The following CFAP299 variants were observed in gnomAD, a reference collection of about 807,000 sequenced individuals.
CFAP299 encodes the protein cilia and flagella associated protein 299.
In CFAP299, 21 loss-of-function variants were observed where a neutral mutation model predicts 27.0. The observed-to-expected ratio is 0.78, with a 90% CI of 0.55 to 1.12. CFAP299 has a LOEUF of 1.12. Ranked by LOEUF, CFAP299 falls within the 50% of genes most tolerant of loss-of-function variation. CFAP299 has a pLI of 0.00. For missense variants in CFAP299, 310 were observed against 276.6 expected (o/e 1.12, Z -0.86); for synonymous variants, 104 against 98.1 (o/e 1.06, Z -0.36).
At chr4:80,709,493 T>G (rs1578045449) in intron 3 of CFAP299, among the ~76,000 whole-genome samples, 1 of 152,308 alleles carries the variant, frequency 6.6e-6, no homozygotes, top group Middle Eastern at 3.4e-3. Flanking sequence ...CGTTTCTTCC[T>G]AAGTTTGAGC....
intron 2 of CFAP299, among the ~76,000 whole-genome samples, chr4:80,372,651 C>A (rs1342064277): frequency 6.6e-6 from 1 of 152,098 alleles, no homozygotes; most frequent in Non-Finnish European, 1.5e-5. Flanking sequence ...TATCTGCCCT[C>A]CTCTGGAGTG....
At chr4:80,959,066 A>C (rs1738206721) in intron 5 of CFAP299, among the ~76,000 whole-genome samples, 1 of 152,168 alleles carries the variant, frequency 6.6e-6, no homozygotes, top group Non-Finnish European at 1.5e-5. Flanking sequence ...ACAGACAAGG[A>C]AATTTAGTTC....
intron 3 of CFAP299, among the ~76,000 whole-genome samples, chr4:80,702,324 T>TA (rs1386907197): frequency 6.6e-6 from 1 of 151,886 alleles, no homozygotes; most frequent in Non-Finnish European, 1.5e-5. Flanking sequence ...TTGCCTCTGT[T>TA]AAAAAGACAT....
chr4:80,423,649 G>A (rs1202771995), intron 2 of CFAP299, among the ~76,000 whole-genome samples: 1 of 152,186 alleles, frequency 6.6e-6, no homozygotes, highest in Non-Finnish European at 1.5e-5. Flanking sequence ...GGTTGTCTCA[G>A]CTGGCGGCTG....
At chr4:80,540,034 CTG>C (rs1457304636) in intron 2 of CFAP299, among the ~76,000 whole-genome samples, 1 of 68,078 alleles carries the variant, frequency 1.5e-5, no homozygotes, top group East Asian at 4.9e-4. Context: ...AAAAGCTGCG[CTG>C]TCTTAGTCAA....
chr4:80,836,406 C>G (rs927168804), intron 3 of CFAP299, among the ~76,000 whole-genome samples: 1 of 152,198 alleles, frequency 6.6e-6, no homozygotes, highest in African/African-American at 2.4e-5. Flanking sequence ...AGCTGAATTC[C>G]TTTCTACAGG....
At chr4:80,943,013 C>T (rs980226629) in intron 4 of CFAP299, among the ~76,000 whole-genome samples, 1 of 152,210 alleles carries the variant, frequency 6.6e-6, no homozygotes, top group African/African-American at 2.4e-5. Context: ...GCTGCAATCA[C>T]TCCACTGGGG....
At chr4:80,799,901 T>A (rs1475048271) in intron 3 of CFAP299, among the ~76,000 whole-genome samples, 16 of 38,188 alleles carry the variant, frequency 4.2e-4, no homozygotes, top group Admixed American at 4.1e-3. Context: ...AAATTATATA[T>A]TATAATATAA....
the CFAP299 span, among the ~76,000 whole-genome samples, chr4:80,329,016 G>A: frequency 2.6e-5 from 4 of 151,916 alleles, no homozygotes; most frequent in Admixed American, 6.6e-5. Context: ...AGCCCAGGAC[G>A]GCTTTAAATG....
At chr4:80,337,904 T>C (rs576477578) in intron 1 of CFAP299, among the ~76,000 whole-genome samples, 1 of 152,302 alleles carries the variant, frequency 6.6e-6, no homozygotes, top group African/African-American at 2.4e-5. Context: ...TTTGGATTGA[T>C]TAGTGACAAC....
rs1730289446 is a variant in CFAP299 at position 80,476,705 on chromosome 4, A to G, written c.243-106388A>G. The stretch of plus-strand genomic sequence containing the variant: ...ATTTGTGTCAGTTATACAGAAACTC[A>G]GCATTTCCAGCGTTTTTTATCCCCT... On this transcript the variant is annotated intron_variant, in intron 2 of 5. Transcript: ENST00000358105. Among the ~76,000 whole-genome samples, 2 of 152,162 alleles carry G rather than the reference A, an allele frequency of 1.3e-5. 1 individual carries two copies. The highest frequency in any genetic ancestry group is 1.3e-4 in the Admixed American group (2 of 15,282).
At chr4:80,916,424 G>T (rs1735771434) in intron 4 of CFAP299, among the ~76,000 whole-genome samples, 2 of 151,246 alleles carry the variant, frequency 1.3e-5, no homozygotes, top group African/African-American at 2.4e-5. Flanking sequence ...TATGCCCTTT[G>T]TCTTGAAATG....
chr4:80,622,411 T>C (rs1278758626), intron 3 of CFAP299, among the ~76,000 whole-genome samples: 1 of 152,166 alleles, frequency 6.6e-6, no homozygotes, highest in African/African-American at 2.4e-5. Flanking sequence ...CCCAGCTGAG[T>C]TAGATCCACA....
chr4:80,799,778 TATATATTA>T (rs1728227771), intron 3 of CFAP299, among the ~76,000 whole-genome samples: 1 of 44,976 alleles, frequency 2.2e-5, no homozygotes, highest in African/African-American at 9.0e-5. Context: ...TTATATGATA[TATATATTA>T]TATATTATAT....
At chr4:80,834,090 C>T (rs1730438899) in intron 3 of CFAP299, among the ~76,000 whole-genome samples, 1 of 152,100 alleles carries the variant, frequency 6.6e-6, no homozygotes, top group Non-Finnish European at 1.5e-5. Context: ...GCATAGTGTT[C>T]AGTGGAGGAG....
intron 1 of CFAP299, among the ~76,000 whole-genome samples, chr4:80,359,589 C>A (rs547029055): frequency 1.3e-5 from 2 of 152,256 alleles, no homozygotes; most frequent in African/African-American, 4.8e-5. Flanking sequence ...CTCTGAGATT[C>A]TTCCCTGCAC....
At chr4:80,581,029 C>T (rs1011369032) in intron 2 of CFAP299, among the ~76,000 whole-genome samples, 1 of 151,878 alleles carries the variant, frequency 6.6e-6, no homozygotes, top group African/African-American at 2.4e-5. Context: ...TTTTAAACCA[C>T]TGAGATTTGG....
intron 3 of CFAP299, among the ~76,000 whole-genome samples, chr4:80,862,274 G>T (rs189444869): frequency 1.2e-3 from 176 of 152,166 alleles, no homozygotes; most frequent in African/African-American, 3.9e-3. Context: ...GTAGGCTGAG[G>T]CAGGAGAATC....
intron 4 of CFAP299, 88 bp downstream of exon 4, chr4:80,870,223 A>G (rs915520418): frequency 6.3e-6 from 9 of 1,426,246 alleles, no homozygotes; most frequent in South Asian, 1.7e-5. Flanking sequence ...ATGCTAATGT[A>G]TATATAACAG....
Sources: gnomAD v4.1 joint callset for allele counts (sites outside exome capture counted in the v4.1 genomes callset) on GRCh38, gnomAD v4.1.1 for gene constraint, MANE v1.5 for transcripts, NCBI Gene and HGNC (gene_info 2026-07-23, HGNC 2026-07-21) for gene names.